SLC23A2: variants seen among roughly 807,000 people sequenced by gnomAD.
SLC23A2 encodes the protein Na(+)/L-ascorbic acid transporter 2.
SLC23A2 carries 36 observed loss-of-function variants against 73.3 expected under a neutral mutation model. The observed-to-expected ratio is 0.49, with a 90% CI of 0.38 to 0.65. The LOEUF is 0.65. Among genes scored for constraint, SLC23A2 ranks in the 30% least tolerant of loss-of-function variants. The pLI, the probability that SLC23A2 is intolerant of heterozygous loss-of-function variation, is 0.00. For missense variants in SLC23A2, 507 were observed against 841.6 expected (o/e 0.60, Z 4.92); for synonymous variants, 343 against 327.3 (o/e 1.05, Z -0.52).
In SLC23A2 at chr20:4,974,330, G is replaced by T. The variant is rs181809296; in HGVS notation, c.-281-3411C>A. On this transcript the variant is annotated intron_variant, in intron 1 of 16. Coordinates refer to ENST00000338244, the MANE Select transcript of SLC23A2 (RefSeq NM_005116.6). ...TAAAAATACAAAATTAGCCAGGCAT[G>T]GTGGCGCATGCCTGTAATTCCAGCT... Among the ~76,000 whole-genome samples the T allele has an allele frequency of 9.8e-3, 1,491 of 152,236 alleles. 13 individuals carry two copies. The highest frequency in any genetic ancestry group is 0.034 in the Middle Eastern group (10 of 294).
intron 8 of SLC23A2, among the ~76,000 whole-genome samples, chr20:4,884,040 A>AG (rs1361539921): frequency 1.3e-5 from 2 of 152,246 alleles, no homozygotes; most frequent in African/African-American, 4.8e-5. Context: ...TTACAGAAAT[A>AG]GGTCCTGGAC....
At chr20:4,953,057 C>T (rs1405478022) in intron 2 of SLC23A2, among the ~76,000 whole-genome samples, 1 of 151,604 alleles carries the variant, frequency 6.6e-6, no homozygotes, top group Non-Finnish European at 1.5e-5. Context: ...CCTGTAATCC[C>T]AGCACTTTGG....
intron 2 of SLC23A2, among the ~76,000 whole-genome samples, chr20:4,966,627 GTTC>G (rs1048572234): frequency 1.3e-5 from 2 of 151,946 alleles, no homozygotes; most frequent in Non-Finnish European, 2.9e-5. Context: ...AAAATTAATT[GTTC>G]TTGTTTTCCT....
chr20:4,898,945 C>T (rs1459884699), intron 6 of SLC23A2, among the ~76,000 whole-genome samples: 2 of 152,088 alleles, frequency 1.3e-5, no homozygotes, highest in Non-Finnish European at 2.9e-5. Context: ...GTGTGCCAGG[C>T]GGGTTGAGGG....
At chr20:4,924,977 G>A (rs1233803594) in intron 3 of SLC23A2, among the ~76,000 whole-genome samples, 1 of 151,848 alleles carries the variant, frequency 6.6e-6, no homozygotes, top group Non-Finnish European at 1.5e-5. Context: ...TTGAGCTCAG[G>A]AGTTTGAGAT....
At chr20:4,875,738 G>A (rs745320480) in intron 9 of SLC23A2, among the ~76,000 whole-genome samples, 5 of 152,312 alleles carry the variant, frequency 3.3e-5, no homozygotes, top group South Asian at 4.1e-4. Flanking sequence ...ACTCATCACC[G>A]AAACAAAACT....
At chr20:4,972,109 G>A (rs1317369091) in intron 1 of SLC23A2, among the ~76,000 whole-genome samples, 1 of 152,206 alleles carries the variant, frequency 6.6e-6, no homozygotes, top group African/African-American at 2.4e-5. Flanking sequence ...CTCAGTGGCT[G>A]TCTTGGGAAC....
At position 4,857,641 on chromosome 20, in the gene SLC23A2, C is replaced by CCT. The variant is rs1248415631; in HGVS notation, c.1721-439_1721-438dup. On this transcript the variant is annotated intron_variant, in intron 16 of 16. Coordinates refer to ENST00000338244, the MANE Select transcript of SLC23A2 (RefSeq NM_005116.6). This position sits in a 1 kb window ranked among gnomAD's most constrained non-coding sequence, Gnocchi z 4.0. ...CTGCCCCAGGTCTGCTCAAAAACTA[C>CCT]CTCTCTAGGCCAGGTGTGGTGGCTC... Among the ~76,000 whole-genome samples, 2 of 152,080 alleles carry CCT rather than the reference C, an allele frequency of 1.3e-5. No homozygotes were observed. Among genetic ancestry groups the CCT allele is most frequent in the Non-Finnish European group, 2.9e-5 (2 of 68,018 alleles).
At chr20:4,974,400 G>A (rs2087611555) in intron 1 of SLC23A2, among the ~76,000 whole-genome samples, 2 of 152,122 alleles carry the variant, frequency 1.3e-5, no homozygotes, top group South Asian at 2.1e-4. Context: ...CCCAGGAGGC[G>A]GAGGTTGCGG....
chr20:4,872,457 G>C lies in SLC23A2; in HGVS notation c.1102+1479C>G, dbSNP rs976493689. 1.3e-5 allele frequency among the ~76,000 whole-genome samples: 2 copies of C among 152,022 alleles called. No homozygotes were observed. Among genetic ancestry groups the C allele is most frequent in the Admixed American group, 6.6e-5 (1 of 15,262 alleles). Reference sequence around the variant, plus strand: ...CCATGGGTCCTAGTGAACTCCCTCTGGCCCCAGCACCTGTACAGCTGCCTC... The same window carrying C: ...CCATGGGTCCTAGTGAACTCCCTCTCGCCCCAGCACCTGTACAGCTGCCTC... On this transcript the variant is annotated intron_variant, in intron 11 of 16. Coordinates refer to ENST00000338244, the MANE Select transcript of SLC23A2 (RefSeq NM_005116.6). The surrounding 1 kb of genome is among the most constrained non-coding windows in gnomAD (Gnocchi z 4.4).
chr20:4,927,970 C>T (rs959520036), intron 3 of SLC23A2, among the ~76,000 whole-genome samples: 5 of 152,158 alleles, frequency 3.3e-5, no homozygotes, highest in Admixed American at 2.6e-4. Flanking sequence ...TGGTCTTCTA[C>T]TTTAAAAGTT....
intron 3 of SLC23A2, among the ~76,000 whole-genome samples, chr20:4,925,606 C>T (rs1380265621): frequency 6.6e-6 from 1 of 152,250 alleles, no homozygotes; most frequent in Admixed American, 6.5e-5. Flanking sequence ...ACTTGCCTTC[C>T]TATCTCCAGA....
intron 3 of SLC23A2, among the ~76,000 whole-genome samples, chr20:4,922,983 G>A (rs1274446214): frequency 6.6e-6 from 1 of 152,082 alleles, no homozygotes; most frequent in Non-Finnish European, 1.5e-5. Context: ...TATTAGATGT[G>A]TACTTTGTAT....
At chr20:4,993,075 G>A (rs1390894296) in intron 1 of SLC23A2, among the ~76,000 whole-genome samples, 1 of 151,420 alleles carries the variant, frequency 6.6e-6, no homozygotes, top group Non-Finnish European at 1.5e-5. Flanking sequence ...TCAGGAGATC[G>A]AGCCCATCCT....
intron 2 of SLC23A2, among the ~76,000 whole-genome samples, chr20:4,960,609 A>G (rs1167334818): frequency 6.6e-6 from 1 of 152,366 alleles, no homozygotes; most frequent in South Asian, 2.1e-4. Flanking sequence ...GCGCACACGC[A>G]CACACACAAG....
chr20:4,883,451 A>C lies in SLC23A2; in HGVS notation c.824+191T>G, dbSNP rs1363457632. Among the ~76,000 whole-genome samples, 1 of 152,218 alleles carries C rather than the reference A, an allele frequency of 6.6e-6. No individual in the cohort carries two copies. The highest frequency in any genetic ancestry group is 6.5e-5 in the Admixed American group (1 of 15,290). On this transcript the variant is annotated intron_variant, in intron 9 of 16. Coordinates refer to ENST00000338244, the MANE Select transcript of SLC23A2 (RefSeq NM_005116.6). The surrounding 1 kb of genome is among the most constrained non-coding windows in gnomAD (Gnocchi z 4.5). Reference sequence around the variant, plus strand: ...ATATTGCTGCTAAGTCTGTCTTTGTAATACGTCAACTATATGTCACTTCCC... The same window carrying C: ...ATATTGCTGCTAAGTCTGTCTTTGTCATACGTCAACTATATGTCACTTCCC...
At chr20:4,875,991 C>T (rs914836039) in intron 9 of SLC23A2, among the ~76,000 whole-genome samples, 2 of 152,170 alleles carry the variant, frequency 1.3e-5, no homozygotes, top group Admixed American at 6.6e-5. Context: ...TGTTGCTCCA[C>T]GGGTCTCCCT....
At position 4,997,444 on chromosome 20, in the gene SLC23A2, T is replaced by C. The variant is rs567153537; in HGVS notation, c.-282+3962A>G. On this transcript the variant is annotated intron_variant, in intron 1 of 16. Transcript: ENST00000338244. ...CCAGATCTCCACATGCCTCACTCCC[T>C]ACACATCTTTAGTTAAAAATGACTC... 8.5e-5 allele frequency among the ~76,000 whole-genome samples: 13 copies of C among 152,152 alleles called. No individual in the cohort carries two copies. The South Asian group carries it at 2.7e-3, about 32-fold the overall frequency.
chr20:4,920,059 G>A (rs1380214897), intron 3 of SLC23A2, among the ~76,000 whole-genome samples: 1 of 152,110 alleles, frequency 6.6e-6, no homozygotes, highest in Non-Finnish European at 1.5e-5. Context: ...TCAGGAGTTC[G>A]AGACCAGCCT....
Sources: allele counts gnomAD v4.1 joint callset (sites outside exome capture counted in the v4.1 genomes callset), GRCh38; gene constraint gnomAD v4.1.1; non-coding constraint Gnocchi (gnomAD v3.1); transcripts MANE v1.5; gene names NCBI Gene and HGNC (gene_info 2026-07-23, HGNC 2026-07-21).